The following LY75 variants were observed in gnomAD, a reference collection of about 807,000 sequenced individuals.
LY75 encodes lymphocyte antigen 75, also known as C-type lectin domain family 13 member B.
Under a neutral mutation model 231.7 loss-of-function variants are expected in LY75, and 185 were observed. The ratio of observed to expected loss-of-function variants is 0.80; its 90% CI spans 0.71 to 0.90. The LOEUF is 0.90. Among genes scored for constraint, LY75 ranks in the 40% least tolerant of loss-of-function variants. The pLI is 0.00. For missense variants in LY75, 1,947 were observed against 2,050.2 expected (o/e 0.95, Z 0.97); for synonymous variants, 668 against 689.0 (o/e 0.97, Z 0.48).
intron 25 of LY75, among the ~76,000 whole-genome samples, chr2:159,837,449 C>G (rs1360554914): frequency 6.6e-6 from 1 of 152,128 alleles, no homozygotes; most frequent in Non-Finnish European, 1.5e-5. Flanking sequence ...ATTGGGTACA[C>G]ATGGATGTAA....
At chr2:159,861,821 C>G (rs72955755) in intron 14 of LY75, among the ~76,000 whole-genome samples, 46,532 of 151,962 alleles carry the variant, frequency 0.31, 9,329 homozygotes, top group Non-Finnish European at 0.46. Context: ...AAGCTTCTTA[C>G]TATAAAAATG....
intron 32 of LY75, among the ~76,000 whole-genome samples, 173 bp downstream of exon 32, chr2:159,810,353 C>T (rs528414239): frequency 6.6e-6 from 1 of 152,020 alleles, no homozygotes; most frequent in South Asian, 2.1e-4. Context: ...GTTCCTATGT[C>T]ATCAGATACT....
At chr2:159,855,071 T>C (rs911515386) in intron 16 of LY75, 132 bp from the exon 17 acceptor site, 109 of 1,147,174 alleles carry the variant, frequency 9.5e-5, no homozygotes, top group Non-Finnish European at 1.3e-4. Flanking sequence ...CCAACCCACT[T>C]CACGTTTTGA....
rs1218772380 is a variant in LY75, at chr2:159,853,680, C to T, written c.2613G>A (p.Gln871=). Reference sequence around the variant, plus strand: ...ACTCGCTAATTCTTATCCACCACTTCTGTCCATCACCAGATATCTGAAAAA... The same window carrying T: ...ACTCGCTAATTCTTATCCACCACTTTTGTCCATCACCAGATATCTGAAAAA... ...NKIANISGDG[Q]KWWIRISEWP... is the part of the protein sequence containing the mutation. The change falls in exon 19 of 35, where the codon CAG becomes CAA. Residue 871 remains glutamine, a synonymous_variant. Coordinates refer to ENST00000263636, the MANE Select transcript of LY75 (RefSeq NM_002349.4). The T allele has an allele frequency of 6.8e-6, 11 of 1,613,438 alleles. No homozygotes were observed. Among genetic ancestry groups the T allele is most frequent in the African/African-American group, 1.3e-5 (1 of 74,928 alleles).
chr2:159,837,598 T>C (rs563990940), intron 25 of LY75, among the ~76,000 whole-genome samples: 1 of 150,982 alleles, frequency 6.6e-6, no homozygotes, highest in South Asian at 2.1e-4. Context: ...TCCCACAGTG[T>C]ATGTATTGTA....
intron 31 of LY75, among the ~76,000 whole-genome samples, chr2:159,813,112 T>C (rs1214047004): frequency 1.3e-5 from 2 of 152,246 alleles, no homozygotes; most frequent in Non-Finnish European, 2.9e-5. Flanking sequence ...TGAATTATGC[T>C]GCTATGACAT....
intron 23 of LY75, among the ~76,000 whole-genome samples, chr2:159,843,490 AT>A (rs5835770): frequency 0.63 from 93,864 of 148,716 alleles, 30,079 homozygotes; most frequent in Non-Finnish European, 0.71. Context: ...AATAATGGCC[AT>A]TTTTTTTTTT....
At chr2:159,870,959 A>G (rs750322614) in intron 13 of LY75, among the ~76,000 whole-genome samples, 13 of 152,050 alleles carry the variant, frequency 8.5e-5, no homozygotes, top group Non-Finnish European at 1.8e-4. Context: ...ATATATAAAC[A>G]TTTACACATT....
At position 159,878,550 on chromosome 2, in the gene LY75, A is replaced by T. The variant is rs1033733993; in HGVS notation, c.1605-57T>A. The T allele has an allele frequency of 2.7e-5, 44 of 1,612,056 alleles. No individual in the cohort carries two copies. In the South Asian group the frequency reaches 4.3e-4, roughly 16 times the overall value. On this transcript the variant is annotated intron_variant, in intron 10 of 34. Coordinates refer to ENST00000263636, the MANE Select transcript of LY75 (RefSeq NM_002349.4). The stretch of plus-strand genomic sequence containing the variant: ...TCACAATGATTGACTCTATTTGAAG[A>T]TGCACCTTTTACTTAGGAAGACTGT...
chr2:159,821,053 A>G (rs144771447), intron 28 of LY75, among the ~76,000 whole-genome samples: 1 of 152,226 alleles, frequency 6.6e-6, no homozygotes, highest in East Asian at 1.9e-4. Flanking sequence ...TTGGCCAGGC[A>G]GGTCTTGAAC....
At chr2:159,850,337 C>T (rs902119945) in intron 22 of LY75, 25 bp downstream of exon 22, 2 of 1,612,658 alleles carry the variant, frequency 1.2e-6, no homozygotes, top group Non-Finnish European at 8.5e-7. Flanking sequence ...CAGAATAAAA[C>T]ATGTTTCCCA....
intron 13 of LY75, 120 bp downstream of exon 13, chr2:159,872,331 T>G: frequency 7.5e-7 from 1 of 1,333,454 alleles, no homozygotes; most frequent in Non-Finnish European, 1.0e-6. Flanking sequence ...CAAATGACCT[T>G]TTAGATAATA....
chr2:159,847,942 A>G (rs1684252298), intron 23 of LY75, among the ~76,000 whole-genome samples: 1 of 151,984 alleles, frequency 6.6e-6, no homozygotes, highest in African/African-American at 2.4e-5. Context: ...CCTAACACCC[A>G]GCACTGGTTA....
At chr2:159,807,682 G>A in intron 33 of LY75, 1 of 982,246 alleles carries the variant, frequency 1.0e-6, no homozygotes, top group South Asian at 4.7e-5. Context: ...CATTTAGATG[G>A]ACAACTTGGA....
chr2:159,865,575 T>C (rs1411796062), intron 13 of LY75, among the ~76,000 whole-genome samples: 2 of 152,092 alleles, frequency 1.3e-5, no homozygotes, highest in African/African-American at 4.8e-5. Flanking sequence ...AGAGATAAGA[T>C]ATATATGAAC....
chr2:159,849,898 G>A, intron 23 of LY75, 82 bp downstream of exon 23: 2 of 1,508,716 alleles, frequency 1.3e-6, no homozygotes, highest in Non-Finnish European at 1.8e-6. Flanking sequence ...AATACAGTGG[G>A]GTTTTGCTTA....
At chr2:159,828,477 T>C (rs1362238267) in intron 28 of LY75, among the ~76,000 whole-genome samples, 6 of 152,114 alleles carry the variant, frequency 3.9e-5, no homozygotes, top group Non-Finnish European at 8.8e-5. Context: ...CTCACTTAGA[T>C]GGCTATAATG....
chr2:159,837,152 A>G (rs762372851), intron 25 of LY75, among the ~76,000 whole-genome samples: 1 of 152,214 alleles, frequency 6.6e-6, no homozygotes, highest in Non-Finnish European at 1.5e-5. Flanking sequence ...ATATACCCAG[A>G]GGAAAACAAA....
At chr2:159,816,120 TC>T (rs1314637414) in intron 30 of LY75, among the ~76,000 whole-genome samples, 1 of 152,092 alleles carries the variant, frequency 6.6e-6, no homozygotes, top group Non-Finnish European at 1.5e-5. Context: ...AAAAAAATCT[TC>T]CCCACTCTGT....
Sources: gnomAD v4.1 joint callset for allele counts (sites outside exome capture counted in the v4.1 genomes callset) on GRCh38, gnomAD v4.1.1 for gene constraint, MANE v1.5 for transcripts, NCBI Gene and HGNC (gene_info 2026-07-23, HGNC 2026-07-21) for gene names.